Variants in NAV3 observed in about 807,000 individuals in gnomAD.
NAV3 encodes the protein neuron navigator 3.
Under a neutral mutation model 244.7 loss-of-function variants are expected in NAV3, and 87 were observed. The observed-to-expected ratio is 0.36, with a 90% confidence interval of 0.30 to 0.42. The LOEUF is 0.42. Ranked by LOEUF, NAV3 falls within the 20% of genes least tolerant of loss-of-function variation. NAV3 has a pLI of 1.00. For synonymous variants in NAV3, 1,126 were observed against 1,042.2 expected, an observed-to-expected ratio of 1.08 and a Z score of -1.55; for missense variants, 2,663 against 2,893.3, an observed-to-expected ratio of 0.92 and a Z score of 1.83.
chr12:77,946,256 TGTGCGC>T (rs1565946253), intron 3 of NAV3, among the ~76,000 whole-genome samples: 1 of 115,614 alleles, frequency 8.6e-6, no homozygotes, highest in Non-Finnish European at 2.0e-5. Flanking sequence ...TGTGTGTGTG[TGTGCGC>T]GTGCACCTTA....
At chr12:77,981,655 A>C (rs567658183) in intron 5 of NAV3, among the ~76,000 whole-genome samples, 1 of 152,114 alleles carries the variant, frequency 6.6e-6, no homozygotes, top group East Asian at 1.9e-4. Context: ...GTGAATTTGA[A>C]AGGAAATAAT....
intron 2 of NAV3, among the ~76,000 whole-genome samples, chr12:77,672,171 C>T (rs1285725951): frequency 2.6e-5 from 4 of 152,062 alleles, no homozygotes; most frequent in South Asian, 2.1e-4. Flanking sequence ...ACATCACTAA[C>T]GATCAGGGAA....
At chr12:77,933,301 G>T (rs750426325) in intron 1 of NAV3, among the ~76,000 whole-genome samples, 1 of 152,122 alleles carries the variant, frequency 6.6e-6, no homozygotes, top group African/African-American at 2.4e-5. Context: ...GAGATGATGA[G>T]AAGCGACCCA....
intron 2 of NAV3, among the ~76,000 whole-genome samples, chr12:77,716,125 T>G (rs889528233): frequency 2.6e-5 from 4 of 152,058 alleles, no homozygotes; most frequent in African/African-American, 7.2e-5. Flanking sequence ...AGTCTCATTT[T>G]CAAGTTTCTT....
chr12:77,604,386 C>G (rs1348857767), intron 2 of NAV3, among the ~76,000 whole-genome samples: 1 of 151,710 alleles, frequency 6.6e-6, no homozygotes, highest in Non-Finnish European at 1.5e-5. Context: ...GTAATAGGAA[C>G]AAAAAGAGGA....
chr12:78,103,784 C>T (rs1187655704), intron 12 of NAV3, among the ~76,000 whole-genome samples: 1 of 152,198 alleles, frequency 6.6e-6, no homozygotes, highest in Non-Finnish European at 1.5e-5. Flanking sequence ...TTCACTACCA[C>T]TAGGACAGTA....
intron 23 of NAV3, among the ~76,000 whole-genome samples, chr12:78,161,912 G>A (rs1420447798): frequency 6.6e-6 from 1 of 152,034 alleles, no homozygotes; most frequent in Non-Finnish European, 1.5e-5. Flanking sequence ...ATATACCTCA[G>A]CCTAGATAAT....
intron 1 of NAV3, among the ~76,000 whole-genome samples, chr12:77,881,456 T>C (rs967455567): frequency 6.6e-6 from 1 of 152,124 alleles, no homozygotes; most frequent in African/African-American, 2.4e-5. Context: ...GCTTTCCCAC[T>C]GTGTCACCAA....
chr12:78,108,116 A>T (rs1245157038), intron 12 of NAV3, among the ~76,000 whole-genome samples: 2 of 152,166 alleles, frequency 1.3e-5, no homozygotes, highest in African/African-American at 4.8e-5. Context: ...GGTAAAAGAT[A>T]TTCCTTGCAA....
intron 2 of NAV3, among the ~76,000 whole-genome samples, chr12:77,788,174 C>T (rs747663531): frequency 5.3e-5 from 8 of 152,116 alleles, no homozygotes; most frequent in Non-Finnish European, 1.0e-4. Flanking sequence ...TCAATAGACC[C>T]AAATAACATC....
chr12:78,074,666 T>C (rs1220368950), intron 12 of NAV3, among the ~76,000 whole-genome samples: 2 of 152,178 alleles, frequency 1.3e-5, no homozygotes, highest in African/African-American at 4.8e-5. Flanking sequence ...ATCGTGTCAC[T>C]ATACTCCAGC....
At chr12:77,877,865 C>T in intron 1 of NAV3, among the ~76,000 whole-genome samples, 1 of 152,078 alleles carries the variant, frequency 6.6e-6, no homozygotes, top group Non-Finnish European at 1.5e-5. Context: ...CTGTGCCAGC[C>T]AGGTAAACAA....
intron 2 of NAV3, among the ~76,000 whole-genome samples, chr12:77,590,884 T>C (rs1343359326): frequency 6.6e-6 from 1 of 152,202 alleles, no homozygotes; most frequent in African/African-American, 2.4e-5. Context: ...GTTTATTCAT[T>C]TGAAAGATGG....
At chr12:77,762,264 A>G (rs1431710631) in intron 2 of NAV3, among the ~76,000 whole-genome samples, 1 of 152,046 alleles carries the variant, frequency 6.6e-6, no homozygotes, top group Non-Finnish European at 1.5e-5. Flanking sequence ...AACATCACAC[A>G]TCGGGGCCTG....
chr12:78,111,336 C>T (rs758322497), intron 12 of NAV3, among the ~76,000 whole-genome samples: 1 of 152,074 alleles, frequency 6.6e-6, no homozygotes, highest in Admixed American at 6.6e-5. Flanking sequence ...ATAAGAACCA[C>T]TTCTTGTTTA....
At chr12:77,869,647 T>G (rs558714690) in intron 1 of NAV3, among the ~76,000 whole-genome samples, 10 of 152,336 alleles carry the variant, frequency 6.6e-5, no homozygotes, top group African/African-American at 2.2e-4. Flanking sequence ...CCAGCTTCCA[T>G]GACTCCTTGT....
At chr12:77,926,633 G>C (rs1025380535) in intron 1 of NAV3, among the ~76,000 whole-genome samples, 1 of 152,132 alleles carries the variant, frequency 6.6e-6, no homozygotes, top group Non-Finnish European at 1.5e-5. Flanking sequence ...TTCCATCCAC[G>C]CCAGAGGTTC....
intron 2 of NAV3, among the ~76,000 whole-genome samples, chr12:77,723,081 A>G (rs892478529): frequency 6.6e-6 from 1 of 151,906 alleles, no homozygotes; most frequent in Non-Finnish European, 1.5e-5. Flanking sequence ...CTACTATGTT[A>G]TTAATTTTCT....
At chr12:77,869,034 A>AAAAC (rs368022962) in intron 1 of NAV3, among the ~76,000 whole-genome samples, 5,656 of 151,206 alleles carry the variant, frequency 0.037, 138 homozygotes, top group African/African-American at 0.055. Context: ...ATCGAGGTAA[A>AAAAC]AAACAAACAA....
Sources: gnomAD v4.1 joint callset for allele counts (sites outside exome capture counted in the v4.1 genomes callset) on GRCh38, gnomAD v4.1.1 for gene constraint, MANE v1.5 for transcripts, NCBI Gene and HGNC (gene_info 2026-07-23, HGNC 2026-07-21) for gene names.